TSHZ3: variants seen among roughly 807,000 people sequenced by gnomAD.
TSHZ3 encodes the protein teashirt homolog 3.
Under a neutral mutation model 64.5 loss-of-function variants are expected in TSHZ3, and 10 were observed. That is an observed-to-expected ratio of 0.16 (90% confidence interval 0.10 to 0.26). The LOEUF is 0.26. Ranked by LOEUF, TSHZ3 falls within the 10% of genes least tolerant of loss-of-function variation. The pLI is 1.00. For missense variants in TSHZ3, 1,242 were observed against 1,421.7 expected, an observed-to-expected ratio of 0.87 and a Z score of 2.03; for synonymous variants, 608 against 593.1, an observed-to-expected ratio of 1.03 and a Z score of -0.36.
At chr19:31,304,992 C>A (rs937301370) in intron 1 of TSHZ3, among the ~76,000 whole-genome samples, 5 of 152,214 alleles carry the variant, frequency 3.3e-5, no homozygotes, top group African/African-American at 1.2e-4. Context: ...ATTTACTATA[C>A]AACCATCTTA....
chr19:31,319,539 CCTGAGCCCCAGCCCACCA>C (rs1916705214), intron 1 of TSHZ3, among the ~76,000 whole-genome samples: 1 of 152,158 alleles, frequency 6.6e-6, no homozygotes, highest in Non-Finnish European at 1.5e-5. Context: ...GGGCTTCTCC[CCTGAGCCCCAGCCCACCA>C]CTGAGGGAGA....
intron 1 of TSHZ3, among the ~76,000 whole-genome samples, chr19:31,289,201 C>T (rs1976519037): frequency 6.6e-6 from 1 of 152,190 alleles, no homozygotes; most frequent in African/African-American, 2.4e-5. Flanking sequence ...GGAGGCACGG[C>T]CAGGGGATGA....
intron 1 of TSHZ3, among the ~76,000 whole-genome samples, chr19:31,333,336 G>A (rs1917150271): frequency 6.6e-6 from 1 of 151,976 alleles, no homozygotes; most frequent in Non-Finnish European, 1.5e-5. Flanking sequence ...CTCTCTGGGT[G>A]AAAATCAGCT....
intron 1 of TSHZ3, among the ~76,000 whole-genome samples, chr19:31,317,752 T>C (rs1168132432): frequency 6.6e-6 from 1 of 152,216 alleles, no homozygotes; most frequent in East Asian, 1.9e-4. Flanking sequence ...TCATTAACTT[T>C]CCTTCCGGAA....
chr19:31,162,903 G>A (rs1189491225), intron 5 of TSHZ3, among the ~76,000 whole-genome samples: 1 of 152,154 alleles, frequency 6.6e-6, no homozygotes, highest in Non-Finnish European at 1.5e-5. Flanking sequence ...AGTTCTTAGA[G>A]GACCCACTTT....
intron 4 of TSHZ3, among the ~76,000 whole-genome samples, chr19:31,216,702 T>C (rs991200543): frequency 6.6e-6 from 1 of 152,182 alleles, no homozygotes; most frequent in African/African-American, 2.4e-5. Flanking sequence ...AGTGGTGCGA[T>C]CTCGGCTCAC....
chr19:31,284,515 T>G (rs1216452873), intron 1 of TSHZ3, among the ~76,000 whole-genome samples: 1 of 152,098 alleles, frequency 6.6e-6, no homozygotes, highest in Admixed American at 6.5e-5. Flanking sequence ...CCTCCACCAT[T>G]TGCCCGGTTC....
intron 5 of TSHZ3, among the ~76,000 whole-genome samples, chr19:31,166,056 C>T (rs115677435): frequency 0.011 from 1,679 of 152,272 alleles, 33 homozygotes; most frequent in African/African-American, 0.037. Context: ...GTCCATTAAA[C>T]GCTTTATTAC....
rs1555739252 is a variant in TSHZ3, at chr19:31,330,714, GGA to G, written c.40+18464_40+18465del. On this transcript the variant is annotated intron_variant, in intron 1 of 1. Transcript: ENST00000240587. ...AGTGCTGTTTAATCCTTGGGCGGGGGGAGGAAAGTCCAGAACACCTATGGGTC... is the reference window on the plus strand; with the variant it reads ...AGTGCTGTTTAATCCTTGGGCGGGGGGGAAAGTCCAGAACACCTATGGGTC... Among the ~76,000 whole-genome samples the G allele has an allele frequency of 2.7e-4, 41 of 151,668 alleles. 1 individual carries two copies. The highest frequency in any genetic ancestry group is 2.1e-3 in the East Asian group (11 of 5,122).
intron 5 of TSHZ3, among the ~76,000 whole-genome samples, chr19:31,175,177 G>T (rs1460902568): frequency 1.3e-5 from 2 of 152,204 alleles, no homozygotes; most frequent in South Asian, 2.1e-4. Context: ...CCCAGAGCTG[G>T]ATAGACACAG....
rs1372784798 is a variant in TSHZ3, at chr19:31,319,880, GC to G, written c.40+29299del. Among the ~76,000 whole-genome samples, 9 of 122,900 alleles carry G rather than the reference GC, an allele frequency of 7.3e-5. No individual in the cohort carries two copies. The South Asian group carries it at 7.8e-4, about 11-fold the overall frequency. 80.6% of individuals were successfully genotyped at this position (122,900 alleles called of 152,430 possible). On this transcript the variant is annotated intron_variant, in intron 1 of 1. Coordinates refer to ENST00000240587, the MANE Select transcript of TSHZ3 (RefSeq NM_020856.4). ...GACATATATGGACTCTTAAGATGCAGCCCCCCTGAGAAAGTAGCAATCGGCC... is the reference window on the plus strand; with the variant it reads ...GACATATATGGACTCTTAAGATGCAGCCCCCTGAGAAAGTAGCAATCGGCC...
In TSHZ3 at chr19:31,275,288, A is replaced by G. The variant is rs1976207800; in HGVS notation, c.*1259T>C. The G allele has an allele frequency of 1.3e-5, 2 of 152,662 alleles. No individual in the cohort carries two copies. The highest frequency in any genetic ancestry group is 2.9e-5 in the Non-Finnish European group (2 of 68,040). 9.5% of individuals were successfully genotyped at this position (152,662 alleles called of 1,614,324 possible). ...ACCAATTGAAATAGAAAGGCATCCT[A>G]CAATATGGAATAGCAACCAAGAGGG... On this transcript the variant is annotated 3_prime_UTR_variant, in exon 2 of 2. Transcript: ENST00000240587.
chr19:31,293,555 C>T (rs1204422399), intron 1 of TSHZ3, among the ~76,000 whole-genome samples: 1 of 152,188 alleles, frequency 6.6e-6, no homozygotes, highest in Non-Finnish European at 1.5e-5. Flanking sequence ...CCTGCTCATT[C>T]CATGTCCCCC....
intron 5 of TSHZ3, among the ~76,000 whole-genome samples, chr19:31,185,657 A>T (rs1568340787): frequency 6.6e-6 from 1 of 152,180 alleles, no homozygotes; most frequent in African/African-American, 2.4e-5. Flanking sequence ...CCAGAGACAC[A>T]TTATTTTCTT....
At chr19:31,317,581 CAAAG>C (rs1916638554) in intron 1 of TSHZ3, among the ~76,000 whole-genome samples, 2 of 152,174 alleles carry the variant, frequency 1.3e-5, no homozygotes, top group Admixed American at 1.3e-4. Flanking sequence ...AGACTCAAGA[CAAAG>C]GAAGGAAACA....
intron 1 of TSHZ3, among the ~76,000 whole-genome samples, chr19:31,266,744 G>A (rs1278999509): frequency 6.6e-6 from 1 of 152,186 alleles, no homozygotes; most frequent in Non-Finnish European, 1.5e-5. Context: ...CTCTAAAATG[G>A]TAATGGTGAT....
In TSHZ3 at chr19:31,277,010, C is replaced by A; in HGVS notation, c.2783G>T (p.Ser928Ile). 6.2e-7 allele frequency: 1 copy of A among 1,612,508 alleles called. No individual in the cohort carries two copies. The highest frequency in any genetic ancestry group is 8.5e-7 in the Non-Finnish European group (1 of 1,178,920). ...SEGKYIMSDL[S>I]PQERMHISRF... The stretch of plus-strand genomic sequence containing the variant: ...GGAGATATGCATCCGCTCCTGGGGG[C>A]TCAGGTCTGACATGATGTACTTCCC... Residue 928 changes from serine to isoleucine, a missense_variant, in exon 2 of 2, where the codon AGC becomes ATC. Ser to Ile is a moderately radical substitution (Grantham distance 142). Transcript: ENST00000240587. This position sits in a 1 kb window ranked among gnomAD's most constrained non-coding sequence, Gnocchi z 4.5.
intron 1 of TSHZ3, among the ~76,000 whole-genome samples, chr19:31,302,283 G>A (rs1174335302): frequency 6.6e-6 from 1 of 152,112 alleles, no homozygotes; most frequent in East Asian, 1.9e-4. Flanking sequence ...TCCGTGCCCT[G>A]GAAACATAGA....
chr19:31,332,989 CAGCT>C (rs1408879334), intron 1 of TSHZ3, among the ~76,000 whole-genome samples: 1 of 151,840 alleles, frequency 6.6e-6, no homozygotes, highest in African/African-American at 2.4e-5. Context: ...CCTGTGGTCC[CAGCT>C]ACTCAGGAGG....
Sources: gnomAD v4.1 joint callset for allele counts (sites outside exome capture counted in the v4.1 genomes callset) on GRCh38, gnomAD v4.1.1 for gene constraint, Gnocchi (gnomAD v3.1) non-coding constraint, MANE v1.5 for transcripts, NCBI Gene and HGNC (gene_info 2026-07-23, HGNC 2026-07-21) for gene names.